Variants in LIMK2 observed in about 807,000 individuals in gnomAD.
The protein encoded by LIMK2 is LIM domain kinase 2.
Under a neutral mutation model 75.7 loss-of-function variants are expected in LIMK2, and 35 were observed. The ratio of observed to expected loss-of-function variants is 0.46; its 90% CI spans 0.35 to 0.61. The LOEUF is 0.61. LIMK2 is among the 20% of genes least tolerant of loss of function. The probability of loss-of-function intolerance (pLI) is 0.00; values close to 1 mark genes in which losing one functional copy is unlikely to be tolerated. For missense variants in LIMK2, 623 were observed against 831.0 expected (o/e 0.75, Z 3.08); for synonymous variants, 301 against 319.2 (o/e 0.94, Z 0.61).
chr22:31,232,373 T>C (rs1601407651), intron 2 of LIMK2, among the ~76,000 whole-genome samples: 1 of 152,140 alleles, frequency 6.6e-6, no homozygotes, highest in African/African-American at 2.4e-5. Flanking sequence ...CAGTTTCTTA[T>C]CTGTAAAATG....
chr22:31,245,927 C>T (rs1196828886), intron 2 of LIMK2, among the ~76,000 whole-genome samples: 2 of 151,854 alleles, frequency 1.3e-5, no homozygotes, highest in Admixed American at 1.3e-4. Flanking sequence ...AATCTCAGCA[C>T]TTTGGGAGGC....
intron 12 of LIMK2, among the ~76,000 whole-genome samples, chr22:31,272,224 C>CTAATTTTTTT (rs1218542035): frequency 1.4e-5 from 2 of 140,966 alleles, no homozygotes; most frequent in Non-Finnish European, 3.0e-5. Flanking sequence ...CCACGCCCAG[C>CTAATTTTTTT]TAATTTTTTT....
chr22:31,215,886 G>T (rs2048385492), intron 1 of LIMK2, among the ~76,000 whole-genome samples: 1 of 152,062 alleles, frequency 6.6e-6, no homozygotes, highest in Non-Finnish European at 1.5e-5. Context: ...CAAAGATGAG[G>T]GAGAATTCTC....
At chr22:31,224,959 G>T (rs2048466666) in intron 1 of LIMK2, among the ~76,000 whole-genome samples, 1 of 152,248 alleles carries the variant, frequency 6.6e-6, no homozygotes, top group Non-Finnish European at 1.5e-5. Context: ...TGCTGCCTGA[G>T]CTCTGCCTCC....
At position 31,260,096 on chromosome 22, in the gene LIMK2, C is replaced by T; in HGVS notation, c.551+19C>T. The T allele has an allele frequency of 1.3e-6, 2 of 1,536,180 alleles. No individual in the cohort carries two copies. Among genetic ancestry groups the T allele is most frequent in the Non-Finnish European group, 1.7e-6 (2 of 1,144,548 alleles). On this transcript the variant is annotated intron_variant, in intron 5 of 15. Coordinates refer to ENST00000331728, the MANE Select transcript of LIMK2 (RefSeq NM_005569.4). ...TGAAAGAGTAAGTATTTTGAGAACC[C>T]TTCAGCAGGGGTTCTTGAGCAGAGT...
At chr22:31,235,508 C>T (rs2048565749) in intron 2 of LIMK2, among the ~76,000 whole-genome samples, 1 of 152,120 alleles carries the variant, frequency 6.6e-6, no homozygotes, top group African/African-American at 2.4e-5. Context: ...TCTGTAGCTA[C>T]AATCCAGGCA....
intron 2 of LIMK2, among the ~76,000 whole-genome samples, chr22:31,246,340 G>A (rs978947331): frequency 2.0e-5 from 3 of 150,814 alleles, no homozygotes; most frequent in Non-Finnish European, 4.4e-5. Context: ...CTTTAGCCAG[G>A]GCAACAGTGT....
chr22:31,263,424 A>G (rs1337358140), intron 7 of LIMK2, among the ~76,000 whole-genome samples: 1 of 152,200 alleles, frequency 6.6e-6, no homozygotes, highest in Non-Finnish European at 1.5e-5. Flanking sequence ...ATAAGATGGT[A>G]AGATAAAGGT....
intron 2 of LIMK2, among the ~76,000 whole-genome samples, chr22:31,251,096 C>T (rs1198336889): frequency 2.0e-5 from 3 of 152,210 alleles, no homozygotes; most frequent in Admixed American, 2.0e-4. Context: ...TTTCCTACCA[C>T]ACTAGCGTGA....
chr22:31,214,112 C>A (rs143199981), intron 1 of LIMK2, among the ~76,000 whole-genome samples: 1 of 152,214 alleles, frequency 6.6e-6, no homozygotes, highest in Non-Finnish European at 1.5e-5. Flanking sequence ...CCACCGCACC[C>A]GGCCGATTTC....
chr22:31,265,925 C>T (rs754203955), intron 7 of LIMK2, 21 bp from the exon 8 acceptor site: 1 of 1,611,964 alleles, frequency 6.2e-7, no homozygotes, highest in East Asian at 2.2e-5. Context: ...CATCCCTACT[C>T]CCGTCTTTCC....
chr22:31,244,281 A>G (rs979705483), intron 2 of LIMK2, among the ~76,000 whole-genome samples: 1 of 152,242 alleles, frequency 6.6e-6, no homozygotes, highest in African/African-American at 2.4e-5. Context: ...ATATTCTTCC[A>G]TTAGTACTGT....
chr22:31,276,593 GCGGA>G (rs2049022645), intron 15 of LIMK2, among the ~76,000 whole-genome samples: 17 of 146,218 alleles, frequency 1.2e-4, no homozygotes, highest in Admixed American at 9.5e-4. Flanking sequence ...CGCCCTCGCC[GCGGA>G]GCCGGCGAGC....
At chr22:31,222,843 A>G (rs536154304) in intron 1 of LIMK2, 1 of 152,308 alleles carries the variant, frequency 6.6e-6, no homozygotes, top group South Asian at 2.1e-4. Context: ...GTGCTGCTGA[A>G]GCGAGAGTAC....
At chr22:31,216,082 G>A (rs1340534011) in intron 1 of LIMK2, among the ~76,000 whole-genome samples, 1 of 152,222 alleles carries the variant, frequency 6.6e-6, no homozygotes, top group Non-Finnish European at 1.5e-5. Flanking sequence ...ATCCATTGAA[G>A]AGAAGTGAAG....
At chr22:31,238,629 G>C (rs949280077) in intron 2 of LIMK2, among the ~76,000 whole-genome samples, 1 of 152,120 alleles carries the variant, frequency 6.6e-6, no homozygotes, top group Non-Finnish European at 1.5e-5. Flanking sequence ...TCTCTGGGTG[G>C]TCCACCAGTC....
intron 14 of LIMK2, 93 bp from the exon 15 acceptor site, chr22:31,275,058 A>G (rs1292186787): frequency 2.4e-6 from 3 of 1,249,856 alleles, no homozygotes; most frequent in Non-Finnish European, 3.5e-6. Context: ...CTCTTCTGCC[A>G]TTCTTCCTGT....
chr22:31,270,828 C>T (rs1375384718), intron 11 of LIMK2, among the ~76,000 whole-genome samples: 3 of 152,236 alleles, frequency 2.0e-5, no homozygotes, highest in East Asian at 1.9e-4. Flanking sequence ...GGTGCTGCAA[C>T]GGCCAGGGTT....
intron 2 of LIMK2, among the ~76,000 whole-genome samples, chr22:31,226,673 G>A: frequency 6.6e-6 from 1 of 152,200 alleles, no homozygotes. Flanking sequence ...ACAGTGATGT[G>A]ATCTTGGCTC....
Sources: allele counts gnomAD v4.1 joint callset (sites outside exome capture counted in the v4.1 genomes callset), GRCh38; gene constraint gnomAD v4.1.1; transcripts MANE v1.5; gene names NCBI Gene and HGNC (gene_info 2026-07-23, HGNC 2026-07-21).